Variants in FAR2 observed in about 807,000 individuals in gnomAD.
The protein encoded by FAR2 is fatty acyl-CoA reductase 2, also known as epididymis secretory protein Li 81.
In FAR2, 19 loss-of-function variants were observed where a neutral mutation model predicts 56.0. The ratio of observed to expected loss-of-function variants is 0.34; its 90% CI spans 0.24 to 0.50. The LOEUF (loss-of-function observed/expected upper bound fraction) is 0.50. FAR2 is among the 20% of genes least tolerant of loss of function. FAR2 has a pLI of 0.98. For synonymous variants in FAR2, 219 were observed against 218.8 expected (o/e 1.00, Z -0.01); for missense variants, 508 against 642.2 (o/e 0.79, Z 2.26).
At chr12:29,159,760 G>A (rs867162363) in intron 1 of FAR2, among the ~76,000 whole-genome samples, 1 of 152,068 alleles carries the variant, frequency 6.6e-6, no homozygotes, top group Middle Eastern at 3.2e-3. Flanking sequence ...CTTTCCTTCT[G>A]TATCTAAAGA....
intron 1 of FAR2, among the ~76,000 whole-genome samples, chr12:29,155,173 C>A (rs12819686): frequency 0.015 from 2,346 of 152,288 alleles, 44 homozygotes; most frequent in African/African-American, 0.048. Flanking sequence ...TGTGAAGTCT[C>A]TGTTTCATAC....
intron 1 of FAR2, 47 bp from the exon 2 acceptor site, chr12:29,270,365 G>A (rs1565497811): frequency 6.6e-6 from 9 of 1,365,778 alleles, no homozygotes; most frequent in Non-Finnish European, 6.9e-6. Flanking sequence ...CTTTGAATAT[G>A]AGAACTTCTG....
At chr12:29,214,786 A>G (rs11050131) in intron 1 of FAR2, among the ~76,000 whole-genome samples, 1,938 of 152,164 alleles carry the variant, frequency 0.013, 41 homozygotes, top group African/African-American at 0.038. Context: ...GCACCATTGC[A>G]TTCCAGCCTG....
chr12:29,208,617 T>C (rs943327722), intron 1 of FAR2, among the ~76,000 whole-genome samples: 2 of 152,122 alleles, frequency 1.3e-5, no homozygotes, highest in African/African-American at 4.8e-5. Flanking sequence ...AGGAAGTGTT[T>C]ATTAAAACTC....
chr12:29,157,680 A>T (rs891772353), intron 1 of FAR2, among the ~76,000 whole-genome samples: 1 of 152,216 alleles, frequency 6.6e-6, no homozygotes, highest in Non-Finnish European at 1.5e-5. Flanking sequence ...ATCATTTTTT[A>T]AAAATCGTGC....
chr12:29,324,217 G>T (rs755216307), intron 10 of FAR2, among the ~76,000 whole-genome samples: 7 of 152,076 alleles, frequency 4.6e-5, no homozygotes, highest in Admixed American at 2.6e-4. Context: ...AAAAAGAAAC[G>T]ACCAAAGCCT....
intron 1 of FAR2, among the ~76,000 whole-genome samples, chr12:29,265,555 A>T (rs941400269): frequency 1.3e-5 from 2 of 152,226 alleles, no homozygotes; most frequent in Non-Finnish European, 2.9e-5. Context: ...TAAATATAAG[A>T]TCTCGAACTA....
rs1949272445 is a variant in FAR2, at chr12:29,307,591, C to T, written c.546-67C>T. The T allele has an allele frequency of 8.2e-6, 12 of 1,455,640 alleles. No individual in the cohort carries two copies. The South Asian group carries it at 1.6e-4, about 20-fold the overall frequency. 90.2% of individuals were successfully genotyped at this position (1,455,640 alleles called of 1,614,324 possible). ...AGGTGGAAGTTTTGTTTGATTGTGT[C>T]TCACATTTTCCTTTTGGTTTATTGT... On this transcript the variant is annotated intron_variant, in intron 4 of 11. Transcript: ENST00000536681.
chr12:29,272,513 T>C (rs1174205779), intron 2 of FAR2, among the ~76,000 whole-genome samples: 1 of 152,240 alleles, frequency 6.6e-6, no homozygotes, highest in African/African-American at 2.4e-5. Context: ...AACTGGTTAT[T>C]CTAGTTAGCA....
At chr12:29,331,702 T>C (rs1280883851) in intron 10 of FAR2, 1 of 152,140 alleles carries the variant, frequency 6.6e-6, no homozygotes, top group African/African-American at 2.4e-5. Context: ...GAATGACCTA[T>C]CAGGTTTCTC....
At chr12:29,249,059 T>C (rs1190459231) in intron 1 of FAR2, among the ~76,000 whole-genome samples, 1 of 152,190 alleles carries the variant, frequency 6.6e-6, no homozygotes, top group African/African-American at 2.4e-5. Context: ...GGTCCTGAGA[T>C]GACATATATC....
intron 2 of FAR2, among the ~76,000 whole-genome samples, chr12:29,274,200 C>A (rs1482700376): frequency 1.7e-5 from 2 of 117,818 alleles, no homozygotes; most frequent in African/African-American, 3.1e-5. Context: ...CCCCTCCCCC[C>A]ACCCCACAAC....
chr12:29,171,496 C>T (rs11050095), intron 1 of FAR2: 10,552 of 151,218 alleles, frequency 0.07, 471 homozygotes, highest in East Asian at 0.15. Flanking sequence ...GGCTGCCCAA[C>T]CATCTGGGAA....
At chr12:29,301,090 C>A (rs1011250651) in intron 4 of FAR2, among the ~76,000 whole-genome samples, 3 of 152,180 alleles carry the variant, frequency 2.0e-5, no homozygotes, top group Non-Finnish European at 4.4e-5. Flanking sequence ...CTTTCTTTAG[C>A]CCCTATCTAA....
intron 1 of FAR2, among the ~76,000 whole-genome samples, chr12:29,207,774 AGCTG>A (rs1489108164): frequency 6.6e-6 from 1 of 152,244 alleles, no homozygotes; most frequent in East Asian, 1.9e-4. Context: ...TTCAGCTTAC[AGCTG>A]GCACTTTATA....
intron 5 of FAR2, 113 bp from the exon 6 acceptor site, chr12:29,309,073 T>C: frequency 1.3e-6 from 1 of 762,684 alleles, no homozygotes; most frequent in African/African-American, 1.7e-5. Flanking sequence ...ATAGTTCTAT[T>C]GGCTGGGATC....
intron 1 of FAR2, among the ~76,000 whole-genome samples, chr12:29,250,671 C>T (rs1416829310): frequency 6.6e-6 from 1 of 152,124 alleles, no homozygotes; most frequent in Non-Finnish European, 1.5e-5. Flanking sequence ...ACTCCCTTTC[C>T]ATCAATAAGT....
chr12:29,253,119 C>A, intron 1 of FAR2, among the ~76,000 whole-genome samples: 1 of 151,970 alleles, frequency 6.6e-6, no homozygotes, highest in Non-Finnish European at 1.5e-5. Context: ...TTTAAACTTG[C>A]CAAGCCTCCA....
At chr12:29,321,393 C>T (rs755894484) in intron 9 of FAR2, among the ~76,000 whole-genome samples, 34 of 152,028 alleles carry the variant, frequency 2.2e-4, no homozygotes, top group East Asian at 1.2e-3. Flanking sequence ...GGCCCCACTG[C>T]GCTCCAGCCT....
Sources: gnomAD v4.1 joint callset for allele counts (sites outside exome capture counted in the v4.1 genomes callset) on GRCh38, gnomAD v4.1.1 for gene constraint, MANE v1.5 for transcripts, NCBI Gene and HGNC (gene_info 2026-07-23, HGNC 2026-07-21) for gene names.